The following CDC7 variants were observed in gnomAD, a reference collection of about 807,000 sequenced individuals.
CDC7 encodes cell division cycle 7-related protein kinase.
In CDC7, 34 loss-of-function variants were observed where a neutral mutation model predicts 53.5. The observed-to-expected ratio is 0.64, with a 90% confidence interval of 0.48 to 0.85. CDC7 has a LOEUF of 0.85. Among genes scored for constraint, CDC7 ranks in the 40% least tolerant of loss-of-function variants. The pLI, the probability that CDC7 is intolerant of heterozygous loss-of-function variation, is 0.00. For missense variants in CDC7, 594 were observed against 679.7 expected, an observed-to-expected ratio of 0.87 and a Z score of 1.40; for synonymous variants, 211 against 222.8, an observed-to-expected ratio of 0.95 and a Z score of 0.47.
chr1:91,504,489 A>T (rs1436170581), intron 2 of CDC7, among the ~76,000 whole-genome samples: 1 of 152,100 alleles, frequency 6.6e-6, no homozygotes, highest in Non-Finnish European at 1.5e-5. Flanking sequence ...TGAAAGAATG[A>T]TGTATAAACT....
intron 6 of CDC7, among the ~76,000 whole-genome samples, chr1:91,512,249 G>A (rs1207235928): frequency 1.3e-5 from 2 of 152,016 alleles, no homozygotes; most frequent in East Asian, 3.9e-4. Context: ...ATAACATACT[G>A]CAATAGCCAT....
chr1:91,510,848 A>C (rs1667249913), intron 4 of CDC7, among the ~76,000 whole-genome samples: 1 of 152,106 alleles, frequency 6.6e-6, no homozygotes, highest in African/African-American at 2.4e-5. Flanking sequence ...CTCAGTTGTT[A>C]TTCTCTTTGA....
chr1:91,511,840 A>G lies in CDC7; in HGVS notation c.489A>G (p.Lys163=). The change falls in exon 6 of 12, where the codon AAA becomes AAG. Residue 163 remains lysine, a synonymous_variant. Coordinates refer to ENST00000234626, the MANE Select transcript of CDC7 (RefSeq NM_003503.4). ...GGGAATATATGCTTAATCTGTTCAA[A>G]GCTTTGAAACGCATTCATCAGTTTG... The part of the protein sequence containing the change: ...EVREYMLNLF[K]ALKRIHQFGI... 1 of 1,607,124 alleles carries G rather than the reference A, an allele frequency of 6.2e-7. No individual in the cohort carries two copies. Among genetic ancestry groups the G allele is most frequent in the East Asian group, 2.2e-5 (1 of 44,644 alleles).
chr1:91,518,093 C>CAAAAAAAAAAAAAA lies in CDC7; in HGVS notation c.1181-2027_1181-2014dup, dbSNP rs55787737. 1.3e-4 allele frequency among the ~76,000 whole-genome samples: 6 copies of CAAAAAAAAAAAAAA among 46,028 alleles called. 1 individual carries two copies. The highest frequency in any genetic ancestry group is 1.7e-3 in the East Asian group (2 of 1,186). 30.2% of individuals were successfully genotyped at this position (46,028 alleles called of 152,430 possible). ...TGAGCAACAGAGTGAGACTCAGTCT[C>CAAAAAAAAAAAAAA]AAAAAAAAAAAAAAAAAAAAAAAGG... On this transcript the variant is annotated intron_variant, in intron 10 of 11. Coordinates refer to ENST00000234626, the MANE Select transcript of CDC7 (RefSeq NM_003503.4).
intron 8 of CDC7, 66 bp downstream of exon 8, chr1:91,514,109 A>G: frequency 1.0e-6 from 1 of 1,004,726 alleles, no homozygotes. Flanking sequence ...TTAGGTAATA[A>G]CTAGATTAAC....
chr1:91,503,098 A>G (rs1348554913), intron 2 of CDC7, among the ~76,000 whole-genome samples: 1 of 152,192 alleles, frequency 6.6e-6, no homozygotes, highest in Non-Finnish European at 1.5e-5. Flanking sequence ...TGACTTCAGC[A>G]GAGTATCTGA....
Position 91,524,729 on chromosome 1 carries a change from A to G in CDC7, c.*294A>G, listed in dbSNP as rs1159590412. The stretch of plus-strand genomic sequence containing the variant: ...AATTACCTTTCACTGACATATACAG[A>G]AAAAGGAGCAGTTTTAGTTTTAATT... On this transcript the variant is annotated 3_prime_UTR_variant, in exon 12 of 12. Transcript: ENST00000234626. The G allele has an allele frequency of 3.7e-6, 1 of 266,780 alleles. No homozygotes were observed. The highest frequency in any genetic ancestry group is 4.9e-5 in the Admixed American group (1 of 20,598). The allele number at this position is 266,780 out of a possible 1,614,324, so 16.5% of individuals were successfully genotyped here. A position where few individuals can be genotyped will look rare whatever the true frequency, so the allele number is the denominator to read the frequency against.
chr1:91,515,714 A>C, intron 9 of CDC7, 80 bp from the exon 10 acceptor site: 1 of 1,549,098 alleles, frequency 6.5e-7, no homozygotes, highest in East Asian at 2.3e-5. Context: ...ATTTACTGTG[A>C]ACTAAATTGA....
intron 1 of CDC7, 108 bp from the exon 2 acceptor site, chr1:91,501,546 G>A (rs1406108708): frequency 4.7e-6 from 3 of 636,804 alleles, no homozygotes; most frequent in African/African-American, 1.8e-5. Flanking sequence ...TGGAGGTTTG[G>A]ACACATCGTG....
intron 11 of CDC7, among the ~76,000 whole-genome samples, chr1:91,523,319 G>A (rs1461562039): frequency 1.3e-5 from 2 of 152,126 alleles, no homozygotes; most frequent in Non-Finnish European, 2.9e-5. Context: ...CTCTAAGGAT[G>A]TATGTGTCAT....
In CDC7 at chr1:91,501,751, C is replaced by G; in HGVS notation, c.35C>G (p.Pro12Arg). ...EASLGIQMDEPMAFSPQRDRF... is the reference protein window; with the variant it reads ...EASLGIQMDERMAFSPQRDRF... ...TCTTTGGGGATTCAGATGGATGAGC[C>G]AATGGCTTTTTCTCCCCAGCGTGAC... The change falls in exon 2 of 12, where the codon CCA becomes CGA. Residue 12 changes from proline (P) to arginine (R), a missense_variant. Pro to Arg is a moderately radical substitution (Grantham distance 103, BLOSUM62 -2). Transcript: ENST00000234626. 6.2e-7 allele frequency: 1 copy of G among 1,613,878 alleles called. No individual in the cohort carries two copies. The highest frequency in any genetic ancestry group is 8.5e-7 in the Non-Finnish European group (1 of 1,179,968).
rs1438347847 is a variant in CDC7 at position 91,524,611 on chromosome 1, G to A, written c.*176G>A. On this transcript the variant is annotated 3_prime_UTR_variant, in exon 12 of 12. Coordinates refer to ENST00000234626, the MANE Select transcript of CDC7 (RefSeq NM_003503.4). Reference sequence around the variant, plus strand: ...AAGAATACTTAAAATGCCTGGGATAGTTCTTGGGACTAACAACATGATCTT... The same window carrying A: ...AAGAATACTTAAAATGCCTGGGATAATTCTTGGGACTAACAACATGATCTT... 3.5e-6 allele frequency: 2 copies of A among 567,080 alleles called. No homozygotes were observed. Among genetic ancestry groups the A allele is most frequent in the East Asian group, 5.8e-5 (2 of 34,392 alleles). The allele number at this position is 567,080 out of a possible 1,614,324, so 35.1% of individuals were successfully genotyped here. A position where few individuals can be genotyped will look rare whatever the true frequency, so the allele number is the denominator to read the frequency against.
At chr1:91,516,731 G>A (rs1667576437) in intron 10 of CDC7, among the ~76,000 whole-genome samples, 1 of 152,168 alleles carries the variant, frequency 6.6e-6, no homozygotes, top group Non-Finnish European at 1.5e-5. Context: ...ATAGAGGCAT[G>A]AGCCAAGGAA....
chr1:91,505,772 T>G (rs1257762617), intron 2 of CDC7, among the ~76,000 whole-genome samples: 1 of 152,206 alleles, frequency 6.6e-6, no homozygotes, highest in Non-Finnish European at 1.5e-5. Context: ...GTTTTACTGT[T>G]GTTTAAAATT....
At chr1:91,523,602 A>C (rs1668100692) in intron 11 of CDC7, among the ~76,000 whole-genome samples, 1 of 152,106 alleles carries the variant, frequency 6.6e-6, no homozygotes, top group South Asian at 2.1e-4. Context: ...CTGAGTGGTG[A>C]TGTCAGTGAG....
At chr1:91,515,654 G>T in intron 9 of CDC7, 140 bp from the exon 10 acceptor site, 1 of 962,134 alleles carries the variant, frequency 1.0e-6, no homozygotes, top group Non-Finnish European at 1.5e-6. Context: ...TATCACACTA[G>T]ATTATCATTT....
intron 10 of CDC7, among the ~76,000 whole-genome samples, chr1:91,516,290 G>A (rs1053994864): frequency 1.3e-5 from 2 of 152,084 alleles, no homozygotes; most frequent in African/African-American, 4.8e-5. Flanking sequence ...TTCCTGTGAT[G>A]TAGATATATT....
intron 4 of CDC7, among the ~76,000 whole-genome samples, chr1:91,510,137 C>G (rs1331843066): frequency 6.6e-6 from 1 of 151,886 alleles, no homozygotes; most frequent in Non-Finnish European, 1.5e-5. Context: ...ATCGCTTGAG[C>G]CCAGGAGTTT....
Position 91,511,646 on chromosome 1 carries a change from C to T in CDC7, c.385C>T (p.His129Tyr). Reference protein sequence around the residue: ...GVKYCFRKNDHVVIAMPYLEH... With the variant: ...GVKYCFRKNDYVVIAMPYLEH... ...TAAATACTGCTTTAGGAAGAATGAT[C>T]ATGTAGTTATTGCTATGCCATATCT... The change falls in exon 5 of 12, where the codon CAT (histidine) becomes TAT (tyrosine). Residue 129 changes from histidine to tyrosine, a missense_variant. Physicochemically the swap from His to Tyr is moderately conservative, Grantham distance 83. Coordinates refer to ENST00000234626, the MANE Select transcript of CDC7 (RefSeq NM_003503.4). 1 of 1,611,180 alleles carries T rather than the reference C, an allele frequency of 6.2e-7. No individual in the cohort carries two copies. The highest frequency in any genetic ancestry group is 8.5e-7 in the Non-Finnish European group (1 of 1,177,908).
Sources: allele counts gnomAD v4.1 joint callset (sites outside exome capture counted in the v4.1 genomes callset), GRCh38; gene constraint gnomAD v4.1.1; transcripts MANE v1.5; gene names NCBI Gene and HGNC (gene_info 2026-07-23, HGNC 2026-07-21).